Variants in EPAS1 observed in about 807,000 individuals in gnomAD.
EPAS1 encodes endothelial PAS domain-containing protein 1.
EPAS1 carries 23 observed loss-of-function variants against 87.9 expected under a neutral mutation model. The observed-to-expected ratio is 0.26, with a 90% CI of 0.19 to 0.37. The LOEUF (loss-of-function observed/expected upper bound fraction) is 0.37. Ranked by LOEUF, EPAS1 falls within the 10% of genes least tolerant of loss-of-function variation. EPAS1 has a pLI of 1.00. For missense variants in EPAS1, 1,138 were observed against 1,120.7 expected (o/e 1.02, Z -0.22); for synonymous variants, 508 against 444.3 (o/e 1.14, Z -1.80).
intron 1 of EPAS1, among the ~76,000 whole-genome samples, chr2:46,343,246 A>G (rs1683947544): frequency 6.6e-6 from 1 of 152,138 alleles, no homozygotes; most frequent in Non-Finnish European, 1.5e-5. Flanking sequence ...CCTACTCTTA[A>G]CATTCCAGGT....
intron 1 of EPAS1, among the ~76,000 whole-genome samples, chr2:46,339,496 T>C (rs1683866464): frequency 6.6e-6 from 1 of 152,200 alleles, no homozygotes; most frequent in Non-Finnish European, 1.5e-5. Flanking sequence ...AACCTCAGTT[T>C]TTCCTTATCT....
Position 46,360,812 on chromosome 2 carries a change from G to A in EPAS1, c.573+56G>A, listed in dbSNP as rs1684369847. ...CCAGGTGTAGGGTAACGGCGGTGCA[G>A]GGGATGCCTAAGGCCCTACCCCCAC... On this transcript the variant is annotated intron_variant, in intron 5 of 15. Coordinates refer to ENST00000263734, the MANE Select transcript of EPAS1 (RefSeq NM_001430.5). This position sits in a 1 kb window ranked among gnomAD's most constrained non-coding sequence, Gnocchi z 4.5. 6.2e-7 allele frequency: 1 copy of A among 1,612,354 alleles called. No individual in the cohort carries two copies.
At chr2:46,356,653 G>A in intron 3 of EPAS1, 71 bp from the exon 4 acceptor site, 2 of 1,239,824 alleles carry the variant, frequency 1.6e-6, no homozygotes, top group Non-Finnish European at 1.2e-6. Flanking sequence ...CTGGAAGGTG[G>A]CTCAGCTTAC....
intron 6 of EPAS1, among the ~76,000 whole-genome samples, chr2:46,365,030 T>C (rs1343389772): frequency 6.6e-6 from 1 of 152,198 alleles, no homozygotes; most frequent in African/African-American, 2.4e-5. Flanking sequence ...TAGTTTAACT[T>C]TAAAATAGGG....
Position 46,382,557 on chromosome 2 carries a change from A to T in EPAS1, c.2420A>T (p.Gln807Leu). The T allele has an allele frequency of 6.2e-7, 1 of 1,614,146 alleles. No homozygotes were observed. The highest frequency in any genetic ancestry group is 8.5e-7 in the Non-Finnish European group (1 of 1,180,042). The change falls in exon 15 of 16, where the codon CAG becomes CTG. Residue 807 changes from glutamine to leucine, a missense_variant. Around this residue, in one of 4 missense-constraint regions of EPAS1, gnomAD observed 502 missense variants for 427.1 expected, o/e 1.18. Coordinates refer to ENST00000263734, the MANE Select transcript of EPAS1 (RefSeq NM_001430.5). The stretch of plus-strand genomic sequence containing the variant: ...TTCCCCCCACAGTGCTACGCCACCC[A>T]GTACCAGGACTACAGCCTGTCGTCA... ...SRFPPQCYAT[Q>L]YQDYSLSSAH...
At chr2:46,328,292 A>T (rs559046006) in intron 1 of EPAS1, among the ~76,000 whole-genome samples, 1 of 152,238 alleles carries the variant, frequency 6.6e-6, no homozygotes, top group African/African-American at 2.4e-5. Flanking sequence ...CCACGATGGC[A>T]GGTAAGACAG....
At chr2:46,353,426 C>A (rs760473741) in intron 2 of EPAS1, among the ~76,000 whole-genome samples, 1 of 152,238 alleles carries the variant, frequency 6.6e-6, no homozygotes, top group Non-Finnish European at 1.5e-5. Context: ...GGGCGCCACA[C>A]TTAGAAAGTT....
chr2:46,314,884 C>T (rs999564589), intron 1 of EPAS1, among the ~76,000 whole-genome samples: 6 of 152,110 alleles, frequency 3.9e-5, no homozygotes, highest in African/African-American at 7.2e-5. Context: ...GGCTGGGGTA[C>T]GAGAAGGTGG....
chr2:46,379,141 G>C (rs1028139545), intron 11 of EPAS1, among the ~76,000 whole-genome samples: 1 of 152,142 alleles, frequency 6.6e-6, no homozygotes, highest in African/African-American at 2.4e-5. Context: ...CATTCATCTT[G>C]TGATTTTAAA....
intron 1 of EPAS1, among the ~76,000 whole-genome samples, chr2:46,299,243 G>A (rs780533131): frequency 1.3e-5 from 2 of 152,228 alleles, no homozygotes; most frequent in Non-Finnish European, 2.9e-5. Context: ...TTGATAAACG[G>A]GAGCGAATCG....
In EPAS1 at chr2:46,360,942, C is replaced by G. The variant is rs1684372592; in HGVS notation, c.631C>G (p.Leu211Val). ...VYNNCPPHNS[L>V]CGYKEPLLSC... Reference sequence around the variant, plus strand: ...CAACAACTGCCCTCCTCACAATAGTCTGTGTGGCTACAAGGAGCCCCTGCT... The same window carrying G: ...CAACAACTGCCCTCCTCACAATAGTGTGTGTGGCTACAAGGAGCCCCTGCT... The change falls in exon 6 of 16, where the codon CTG becomes GTG. Residue 211 changes from leucine to valine, a missense_variant. Leu to Val is a conservative substitution (Grantham distance 32, BLOSUM62 1). Coordinates refer to ENST00000263734, the MANE Select transcript of EPAS1 (RefSeq NM_001430.5). The surrounding 1 kb of genome is among the most constrained non-coding windows in gnomAD (Gnocchi z 4.5). The G allele has an allele frequency of 6.2e-7, 1 of 1,614,104 alleles. No individual in the cohort carries two copies. Among genetic ancestry groups the G allele is most frequent in the South Asian group, 1.1e-5 (1 of 91,088 alleles).
Position 46,360,603 on chromosome 2 carries a change from A to C in EPAS1, c.455-35A>C. 1 of 1,584,446 alleles carries C rather than the reference A, an allele frequency of 6.3e-7. No individual in the cohort carries two copies. The highest frequency in any genetic ancestry group is 8.7e-7 in the Non-Finnish European group (1 of 1,153,138). ...TCTCATGAATATCCATATAAAACTGACTTCAGCTGGTTCTTCCCATCCTTC... is the reference window on the plus strand; with the variant it reads ...TCTCATGAATATCCATATAAAACTGCCTTCAGCTGGTTCTTCCCATCCTTC... On this transcript the variant is annotated intron_variant, in intron 4 of 15. Coordinates refer to ENST00000263734, the MANE Select transcript of EPAS1 (RefSeq NM_001430.5). The surrounding 1 kb of genome is among the most constrained non-coding windows in gnomAD (Gnocchi z 4.5).
chr2:46,366,819 G>A (rs541107298), intron 6 of EPAS1, among the ~76,000 whole-genome samples: 2 of 152,382 alleles, frequency 1.3e-5, no homozygotes, highest in Admixed American at 6.5e-5. Context: ...TGGGGGAAAT[G>A]AGCGGGGAAG....
chr2:46,347,225 A>C lies in EPAS1; in HGVS notation c.217+162A>C. The C allele has an allele frequency of 3.9e-6, 3 of 773,944 alleles. No individual in the cohort carries two copies. The highest frequency in any genetic ancestry group is 1.6e-5 in the South Asian group (1 of 64,270). 47.9% of individuals were successfully genotyped at this position (773,944 alleles called of 1,614,324 possible). Reference sequence around the variant, plus strand: ...AGTGATTTATTCCTTCATGTTAAACATCTCTCTTCCAGCAGTGACCTTTAC... The same window carrying C: ...AGTGATTTATTCCTTCATGTTAAACCTCTCTCTTCCAGCAGTGACCTTTAC... On this transcript the variant is annotated intron_variant, in intron 2 of 15. Coordinates refer to ENST00000263734, the MANE Select transcript of EPAS1 (RefSeq NM_001430.5). This position sits in a 1 kb window ranked among gnomAD's most constrained non-coding sequence, Gnocchi z 4.2.
chr2:46,376,746 G>T lies in EPAS1; in HGVS notation c.1242G>T (p.Leu414=). The change falls in exon 9 of 16, where the codon CTG becomes CTT. Residue 414 remains leucine, a synonymous_variant. Coordinates refer to ENST00000263734, the MANE Select transcript of EPAS1 (RefSeq NM_001430.5). ...CCCCAGGAGACGCCATCATCTCTCT[G>T]GATTTCGGTGGGTGCTTCTTAGCTA... ...APTPGDAIIS[L]DFGNQNFEES... is the part of the protein sequence containing the mutation. 6.2e-7 allele frequency: 1 copy of T among 1,612,158 alleles called. No individual in the cohort carries two copies. Among genetic ancestry groups the T allele is most frequent in the Middle Eastern group, 2.2e-4 (1 of 4,650 alleles).
rs764981815 is a variant in EPAS1, at chr2:46,346,854, C to T, written c.27-19C>T. 2 of 1,614,006 alleles carry T rather than the reference C, an allele frequency of 1.2e-6. No homozygotes were observed. Among genetic ancestry groups the T allele is most frequent in the Non-Finnish European group, 1.7e-6 (2 of 1,179,926 alleles). On this transcript the variant is annotated intron_variant, in intron 1 of 15. Coordinates refer to ENST00000263734, the MANE Select transcript of EPAS1 (RefSeq NM_001430.5). The surrounding 1 kb of genome is among the most constrained non-coding windows in gnomAD (Gnocchi z 4.0). ...CTGACAGTAACCTTTCCGGGACTAACCCCTTCTTCTCCACTTAGGAGTAGC... is the reference window on the plus strand; with the variant it reads ...CTGACAGTAACCTTTCCGGGACTAATCCCTTCTTCTCCACTTAGGAGTAGC...
chr2:46,358,979 G>A (rs1684328197), intron 4 of EPAS1, among the ~76,000 whole-genome samples: 1 of 152,080 alleles, frequency 6.6e-6, no homozygotes, highest in Non-Finnish European at 1.5e-5. Context: ...GAATGAACAA[G>A]GCCAGGCACG....
intron 1 of EPAS1, among the ~76,000 whole-genome samples, chr2:46,336,880 C>T (rs1683803321): frequency 6.6e-6 from 1 of 152,366 alleles, no homozygotes; most frequent in Non-Finnish European, 1.5e-5. Flanking sequence ...GGAAGTGCTG[C>T]TCTGGGTGAC....
At chr2:46,374,344 T>C (rs949377540) in intron 7 of EPAS1, among the ~76,000 whole-genome samples, 2 of 152,156 alleles carry the variant, frequency 1.3e-5, no homozygotes, top group Non-Finnish European at 2.9e-5. Context: ...TGTAACAGAC[T>C]GTCTGTGACA....
Sources: allele counts gnomAD v4.1 joint callset (sites outside exome capture counted in the v4.1 genomes callset), GRCh38; gene constraint gnomAD v4.1.1; regional missense constraint gnomAD v4.1.1; non-coding constraint Gnocchi (gnomAD v3.1); transcripts MANE v1.5; gene names NCBI Gene and HGNC (gene_info 2026-07-23, HGNC 2026-07-21).